The following FHIP1A variants were observed in gnomAD, a reference collection of about 807,000 sequenced individuals.
FHIP1A encodes the protein FHF complex subunit HOOK-interacting protein 1A.
FHIP1A carries 61 observed loss-of-function variants against 88.6 expected under a neutral mutation model. The ratio of observed to expected loss-of-function variants is 0.69; its 90% CI spans 0.56 to 0.85. The LOEUF (loss-of-function observed/expected upper bound fraction) is 0.85. FHIP1A is among the 40% of genes least tolerant of loss of function. The pLI, the probability that FHIP1A is intolerant of heterozygous loss-of-function variation, is 0.00. For synonymous variants in FHIP1A, 478 were observed against 496.0 expected, an observed-to-expected ratio of 0.96 and a Z score of 0.48; for missense variants, 1,154 against 1,273.5, an observed-to-expected ratio of 0.91 and a Z score of 1.43.
chr4:151,432,739 G>A (rs1017586384), intron 1 of FHIP1A, among the ~76,000 whole-genome samples: 13 of 152,184 alleles, frequency 8.5e-5, no homozygotes, highest in Non-Finnish European at 1.8e-4. Context: ...GGATGACTAG[G>A]CACTGTGCTG....
At chr4:151,616,940 GT>G (rs1399760900) in intron 7 of FHIP1A, among the ~76,000 whole-genome samples, 1 of 151,960 alleles carries the variant, frequency 6.6e-6, no homozygotes, top group Non-Finnish European at 1.5e-5. Context: ...TAGGGATGGA[GT>G]TTCACCATGT....
intron 2 of FHIP1A, among the ~76,000 whole-genome samples, chr4:151,466,978 T>C (rs1014234802): frequency 3.9e-5 from 6 of 151,992 alleles, no homozygotes; most frequent in African/African-American, 1.5e-4. Context: ...AATTGAGAAA[T>C]GGAATGTAAT....
intron 7 of FHIP1A, among the ~76,000 whole-genome samples, chr4:151,608,808 C>G (rs1435094101): frequency 2.0e-5 from 3 of 152,122 alleles, no homozygotes; most frequent in African/African-American, 2.4e-5. Flanking sequence ...TTTGGTGAAG[C>G]CTTTTCCAAA....
intron 7 of FHIP1A, among the ~76,000 whole-genome samples, chr4:151,616,028 TTTGTCTTGG>T (rs1244236995): frequency 6.6e-6 from 1 of 152,078 alleles, no homozygotes; most frequent in Non-Finnish European, 1.5e-5. Context: ...TTGCCATGAG[TTTGTCTTGG>T]TGTCCCTTCT....
chr4:151,631,580 C>CTTA (rs1736160012), intron 8 of FHIP1A, among the ~76,000 whole-genome samples: 1 of 152,130 alleles, frequency 6.6e-6, no homozygotes, highest in African/African-American at 2.4e-5. Flanking sequence ...GACCCAGGCC[C>CTTA]TTATTCCCTC....
chr4:151,604,545 C>G (rs1237516752), intron 7 of FHIP1A, among the ~76,000 whole-genome samples: 2 of 152,074 alleles, frequency 1.3e-5, no homozygotes, highest in Non-Finnish European at 2.9e-5. Context: ...TTTGGTCTTA[C>G]CAATTTAAAA....
Position 151,412,687 on chromosome 4 carries a change from C to CT in FHIP1A, c.-356+3238dup, listed in dbSNP as rs555613459. ...TCTTTCTCTCTCTCTCTCTTTCTTT[C>CT]TTTTTTTTTTTTTTTTGATGGAGTT... On this transcript the variant is annotated intron_variant, in intron 1 of 13. Coordinates refer to ENST00000435205, the MANE Select transcript of FHIP1A (RefSeq NM_001109977.3). Among the ~76,000 whole-genome samples, 625 of 95,830 alleles carry CT rather than the reference C, an allele frequency of 6.5e-3. 3 individuals carry two copies. Among genetic ancestry groups the CT allele is most frequent in the Admixed American group, 9.3e-3 (76 of 8,144 alleles). The allele number at this position is 95,830 out of a possible 152,430, so 62.9% of individuals were successfully genotyped here.
intron 13 of FHIP1A, among the ~76,000 whole-genome samples, chr4:151,659,400 G>T (rs1737369857): frequency 6.6e-6 from 1 of 152,206 alleles, no homozygotes; most frequent in African/African-American, 2.4e-5. Context: ...TGGGAGGCCT[G>T]TTCTCACTGG....
chr4:151,543,016 C>G (rs1046358134), intron 3 of FHIP1A, among the ~76,000 whole-genome samples: 1 of 152,176 alleles, frequency 6.6e-6, no homozygotes, highest in African/African-American at 2.4e-5. Context: ...AAATGCCCTT[C>G]TAATAATTAT....
chr4:151,555,822 C>T (rs1732925492), intron 3 of FHIP1A, among the ~76,000 whole-genome samples: 1 of 152,036 alleles, frequency 6.6e-6, no homozygotes, highest in South Asian at 2.1e-4. Context: ...TAATTTTGAT[C>T]AAATCAACGA....
At chr4:151,474,965 T>G (rs1729648303) in intron 2 of FHIP1A, among the ~76,000 whole-genome samples, 1 of 152,212 alleles carries the variant, frequency 6.6e-6, no homozygotes, top group Non-Finnish European at 1.5e-5. Flanking sequence ...AACTTGTGCT[T>G]TAGAATTCAT....
intron 1 of FHIP1A, among the ~76,000 whole-genome samples, chr4:151,432,999 A>G (rs926975134): frequency 6.6e-6 from 1 of 152,130 alleles, no homozygotes; most frequent in African/African-American, 2.4e-5. Flanking sequence ...GTATGGTTGT[A>G]TTACTAATGA....
chr4:151,642,857 G>A lies in FHIP1A; in HGVS notation c.1227-3701G>A, dbSNP rs184382075. Among the ~76,000 whole-genome samples the A allele has an allele frequency of 1.1e-3, 168 of 151,020 alleles. 1 individual carries two copies. Among genetic ancestry groups the A allele is most frequent in the African/African-American group, 4.0e-3 (163 of 41,214 alleles). ...TAGTGAAAATCAGGGAGGACAATAT[G>A]TATGATATATATATATCATATATCA... On this transcript the variant is annotated intron_variant, in intron 9 of 13. Coordinates refer to ENST00000435205, the MANE Select transcript of FHIP1A (RefSeq NM_001109977.3).
chr4:151,584,016 A>G (rs17027725), intron 5 of FHIP1A, among the ~76,000 whole-genome samples: 5,146 of 151,970 alleles, frequency 0.034, 297 homozygotes, highest in African/African-American at 0.12. Context: ...AGTGTTTGGT[A>G]TTTTTTTTAA....
chr4:151,554,969 C>T (rs767652738), intron 3 of FHIP1A, among the ~76,000 whole-genome samples: 9 of 151,966 alleles, frequency 5.9e-5, no homozygotes, highest in Non-Finnish European at 1.2e-4. Context: ...GATTCTTTCT[C>T]CAGAGAGAGA....
intron 3 of FHIP1A, among the ~76,000 whole-genome samples, chr4:151,495,565 G>A (rs1405584422): frequency 6.6e-6 from 1 of 150,940 alleles, no homozygotes; most frequent in Admixed American, 6.6e-5. Context: ...TTTAAAAGTG[G>A]TTTGTCTCTC....
intron 11 of FHIP1A, among the ~76,000 whole-genome samples, chr4:151,652,643 T>C (rs993706890): frequency 2.0e-5 from 3 of 152,202 alleles, no homozygotes; most frequent in East Asian, 1.9e-4. Context: ...TTAGTTGTCA[T>C]ATGCCAAGAC....
At chr4:151,499,290 TTCTG>T (rs1323631035) in intron 3 of FHIP1A, among the ~76,000 whole-genome samples, 1 of 152,190 alleles carries the variant, frequency 6.6e-6, no homozygotes, top group African/African-American at 2.4e-5. Context: ...CTGAAGTCTG[TTCTG>T]TCTATGTGAC....
chr4:151,564,735 C>T (rs755223122), intron 3 of FHIP1A, among the ~76,000 whole-genome samples: 1 of 152,166 alleles, frequency 6.6e-6, no homozygotes, highest in African/African-American at 2.4e-5. Context: ...TGTACTTCTT[C>T]TAACAGGTCG....
Sources: gnomAD v4.1 joint callset for allele counts (sites outside exome capture counted in the v4.1 genomes callset) on GRCh38, gnomAD v4.1.1 for gene constraint, MANE v1.5 for transcripts, NCBI Gene and HGNC (gene_info 2026-07-23, HGNC 2026-07-21) for gene names.